ADGRF5: variants seen among roughly 807,000 people sequenced by gnomAD.
ADGRF5 encodes the protein G-protein coupled receptor 116.
A neutral mutation model predicts 132.3 loss-of-function variants in ADGRF5; 75 were observed. That is an observed-to-expected ratio of 0.57 (90% CI 0.47 to 0.69). The LOEUF is 0.69. ADGRF5 is among the 30% of genes least tolerant of loss of function. The probability of loss-of-function intolerance (pLI) is 0.00; values close to 1 mark genes in which losing one functional copy is unlikely to be tolerated. For synonymous variants in ADGRF5, 629 were observed against 597.6 expected (o/e 1.05, Z -0.77); for missense variants, 1,516 against 1,630.6 (o/e 0.93, Z 1.21).
At chr6:46,909,423 C>G (rs1022828111) in intron 1 of ADGRF5, among the ~76,000 whole-genome samples, 1 of 152,218 alleles carries the variant, frequency 6.6e-6, no homozygotes, top group African/African-American at 2.4e-5. Flanking sequence ...TCAGTATTAG[C>G]CTTGCGGCTC....
At chr6:46,893,862 A>T (rs1372284957) in intron 3 of ADGRF5, among the ~76,000 whole-genome samples, 1 of 152,186 alleles carries the variant, frequency 6.6e-6, no homozygotes, top group African/African-American at 2.4e-5. Context: ...CCTTTCCCAT[A>T]AATCACTGCC....
intron 6 of ADGRF5, among the ~76,000 whole-genome samples, 169 bp from the exon 7 acceptor site, chr6:46,882,276 T>C (rs539244855): frequency 1.2e-4 from 18 of 152,254 alleles, no homozygotes; most frequent in African/African-American, 3.9e-4. Flanking sequence ...AATTCCTATC[T>C]ATGTCAGCCT....
At chr6:46,914,422 C>A (rs1036075043) in intron 1 of ADGRF5, among the ~76,000 whole-genome samples, 13 of 152,112 alleles carry the variant, frequency 8.5e-5, no homozygotes, top group Non-Finnish European at 1.6e-4. Context: ...ACATGGGACA[C>A]AATAACAATT....
At chr6:46,920,650 G>A (rs375468403) in intron 1 of ADGRF5, among the ~76,000 whole-genome samples, 22 of 152,174 alleles carry the variant, frequency 1.4e-4, no homozygotes, top group African/African-American at 5.3e-4. Flanking sequence ...ATCACCTGAG[G>A]TCAGGAGTTC....
intron 13 of ADGRF5, among the ~76,000 whole-genome samples, chr6:46,865,958 A>T (rs499116): frequency 6.6e-6 from 1 of 152,146 alleles, no homozygotes; most frequent in Non-Finnish European, 1.5e-5. Flanking sequence ...GTTATTGAAA[A>T]AATGAATGAG....
At chr6:46,906,578 A>T in intron 2 of ADGRF5, 83 bp downstream of exon 2, 2 of 780,730 alleles carry the variant, frequency 2.6e-6, no homozygotes, top group Non-Finnish European at 4.4e-6. Context: ...TTTTCTCCTT[A>T]AACTTTTTGT....
intron 11 of ADGRF5, 88 bp downstream of exon 11, chr6:46,871,755 T>C (rs1249705856): frequency 2.2e-6 from 2 of 910,062 alleles, no homozygotes; most frequent in African/African-American, 1.7e-5. Flanking sequence ...ATTTTGCTCA[T>C]AGATATTTCC....
chr6:46,920,604 C>T (rs745940786), intron 1 of ADGRF5, among the ~76,000 whole-genome samples: 9 of 151,828 alleles, frequency 5.9e-5, no homozygotes, highest in African/African-American at 1.5e-4. Flanking sequence ...GGCTGACACC[C>T]GTAATTCCAG....
rs1773271786 is a variant in ADGRF5 at position 46,888,387 on chromosome 6, A to G, written c.276T>C (p.His92=). 2 of 1,612,476 alleles carry G rather than the reference A, an allele frequency of 1.2e-6. No individual in the cohort carries two copies. The highest frequency in any genetic ancestry group is 1.7e-6 in the Non-Finnish European group (2 of 1,178,498). Residue 92 remains histidine, a synonymous_variant, in exon 4 of 21, where the codon CAT becomes CAC. Coordinates refer to ENST00000283296, the MANE Select transcript of ADGRF5 (RefSeq NM_001098518.2). ...CGGTAATTTGGTCAGTGTTATTCCC[A>G]TGAATTGGAAAACTGAGGCTGTTCA... ...AYLNSLSFPI[H]GNNTDQITDI... is the part of the protein sequence containing the mutation.
chr6:46,865,327 A>G, intron 13 of ADGRF5, 130 bp from the exon 14 acceptor site: 1 of 639,352 alleles, frequency 1.6e-6, no homozygotes, highest in Non-Finnish European at 2.7e-6. Flanking sequence ...CATTTTTAAC[A>G]GGTTTTACCT....
At chr6:46,896,201 CTG>C (rs1251659209) in intron 3 of ADGRF5, among the ~76,000 whole-genome samples, 1 of 152,164 alleles carries the variant, frequency 6.6e-6, no homozygotes, top group Non-Finnish European at 1.5e-5. Flanking sequence ...AGTCACCTCT[CTG>C]TGGCAGCCGC....
intron 2 of ADGRF5, among the ~76,000 whole-genome samples, chr6:46,902,730 G>C (rs1383070699): frequency 6.6e-6 from 1 of 152,144 alleles, no homozygotes; most frequent in South Asian, 2.1e-4. Flanking sequence ...CAGCCTCTTC[G>C]TTGTCCAGTG....
chr6:46,898,176 C>G lies in ADGRF5; in HGVS notation c.157+1853G>C, dbSNP rs145450210. On this transcript the variant is annotated intron_variant, in intron 3 of 20. Coordinates refer to ENST00000283296, the MANE Select transcript of ADGRF5 (RefSeq NM_001098518.2). Reference sequence around the variant, plus strand: ...GGGCTACCCCCTCACGTTGTCACCACGGGTCATAAACAGCCTGGCTCAGAA... The same window carrying G: ...GGGCTACCCCCTCACGTTGTCACCAGGGGTCATAAACAGCCTGGCTCAGAA... Among the ~76,000 whole-genome samples, 3 of 152,314 alleles carry G rather than the reference C, an allele frequency of 2.0e-5. No homozygotes were observed. In the East Asian group the frequency reaches 5.8e-4, roughly 29 times the overall value.
In ADGRF5 at chr6:46,871,879, C is replaced by T; in HGVS notation, c.1375G>A (p.Gly459Ser). The T allele has an allele frequency of 6.2e-7, 1 of 1,610,290 alleles. No individual in the cohort carries two copies. The highest frequency in any genetic ancestry group is 8.5e-7 in the Non-Finnish European group (1 of 1,177,232). ...CEFISAYGAR[G>S]SANIKVTFIS... Reference sequence around the variant, plus strand: ...AATGTCACTTTTATGTTTGCACTGCCTCTGGCTCCATAGGCACTGATGAAC... The same window carrying T: ...AATGTCACTTTTATGTTTGCACTGCTTCTGGCTCCATAGGCACTGATGAAC... The change falls in exon 11 of 21, where the codon GGC (glycine) becomes AGC (serine). Residue 459 changes from glycine to serine, a missense_variant. Gly to Ser is a moderately conservative substitution (Grantham distance 56, BLOSUM62 0). Coordinates refer to ENST00000283296, the MANE Select transcript of ADGRF5 (RefSeq NM_001098518.2).
At chr6:46,920,812 A>G (rs1399306055) in intron 1 of ADGRF5, among the ~76,000 whole-genome samples, 4 of 152,158 alleles carry the variant, frequency 2.6e-5, no homozygotes, top group African/African-American at 9.7e-5. Flanking sequence ...GTAGTGAACC[A>G]AGATCGTGCC....
chr6:46,869,088 AT>A lies in ADGRF5; in HGVS notation c.1415del (p.Asn472IlefsTer2). The A allele has an allele frequency of 6.2e-7, 1 of 1,613,630 alleles. No homozygotes were observed. Among genetic ancestry groups the A allele is most frequent in the Non-Finnish European group, 8.5e-7 (1 of 1,179,690 alleles). On this transcript the variant is annotated frameshift_variant, in exon 12 of 21. Coordinates refer to ENST00000283296, the MANE Select transcript of ADGRF5 (RefSeq NM_001098518.2). LOFTEE classifies it high-confidence loss of function. ...AAATTGGGTCCGGGGTTATTGTTAG[AT>A]TGGCTGAAAAAAAGGCAAACAAAAC... is the stretch of plus-strand genomic sequence containing the variant. ...NIKVTFISVA[N>X]LTITPDPISV...
In ADGRF5 at chr6:46,867,060, G is replaced by A. The variant is rs1770530955; in HGVS notation, c.1699C>T (p.Leu567=). 1.9e-6 allele frequency: 3 copies of A among 1,613,620 alleles called. No homozygotes were observed. The highest frequency in any genetic ancestry group is 2.7e-5 in the African/African-American group (2 of 74,918). ...GGATCAACCATGATGTTCAGCTTTA[G>A]AGGCAGCGGGTGAACAATGACGTCT... is the stretch of plus-strand genomic sequence containing the variant. The part of the protein sequence containing the change: ...TKDVIVHPLP[L]KLNIMVDPLE... Residue 567 remains leucine, a synonymous_variant, in exon 13 of 21, where the codon CTA becomes TTA. Transcript: ENST00000283296.
At chr6:46,924,680 C>T (rs1161027493), upstream of ADGRF5, among the ~76,000 whole-genome samples, 1 of 152,142 alleles carries the variant, frequency 6.6e-6, no homozygotes, top group Admixed American at 6.5e-5. Flanking sequence ...GGCCCTCAAA[C>T]AGAACATGTC....
In ADGRF5 at chr6:46,859,059, T is replaced by C. The variant is rs751518455; in HGVS notation, c.2844A>G (p.Ser948=). ...AGAAGACACACTTCGTTTCGCCGCC[T>C]GAAGGGCTATTGTTCTTAAAAGTCA... ...ISMTFKNNSP[S]GGETKCVFWN... The change falls in exon 17 of 21, where the codon TCA becomes TCG. Residue 948 remains serine (S), a synonymous_variant. Coordinates refer to ENST00000283296, the MANE Select transcript of ADGRF5 (RefSeq NM_001098518.2). 1.2e-6 allele frequency: 2 copies of C among 1,614,204 alleles called. No individual in the cohort carries two copies. Among genetic ancestry groups the C allele is most frequent in the Admixed American group, 3.3e-5 (2 of 60,028 alleles).
Sources: allele counts gnomAD v4.1 joint callset (sites outside exome capture counted in the v4.1 genomes callset), GRCh38; gene constraint gnomAD v4.1.1; transcripts MANE v1.5; gene names NCBI Gene and HGNC (gene_info 2026-07-23, HGNC 2026-07-21).